The following MYO1D variants were observed in gnomAD, a reference collection of about 807,000 sequenced individuals.
The protein encoded by MYO1D is myosin ID, also known as unconventional myosin-Id.
MYO1D carries 83 observed loss-of-function variants against 122.0 expected under a neutral mutation model. That is an observed-to-expected ratio of 0.68 (90% CI 0.57 to 0.82). MYO1D has a LOEUF of 0.82. Among genes scored for constraint, MYO1D ranks in the 40% least tolerant of loss-of-function variants. The pLI, the probability that MYO1D is intolerant of heterozygous loss-of-function variation, is 0.00. For synonymous variants in MYO1D, 464 were observed against 446.9 expected (o/e 1.04, Z -0.48); for missense variants, 1,157 against 1,269.5 (o/e 0.91, Z 1.35).
intron 7 of MYO1D, among the ~76,000 whole-genome samples, chr17:32,766,882 G>A (rs2090064591): frequency 6.6e-6 from 1 of 152,094 alleles, no homozygotes; most frequent in African/African-American, 2.4e-5. Flanking sequence ...TCAAACAGAT[G>A]AGACAATTTA....
intron 16 of MYO1D, among the ~76,000 whole-genome samples, chr17:32,694,593 C>T (rs1264683356): frequency 2.7e-5 from 4 of 147,542 alleles, no homozygotes; most frequent in East Asian, 2.0e-4. Flanking sequence ...CCCAGCTACT[C>T]GGGAGGCTGA....
chr17:32,558,193 G>A (rs1384904755), intron 21 of MYO1D, among the ~76,000 whole-genome samples: 2 of 151,992 alleles, frequency 1.3e-5, no homozygotes, highest in African/African-American at 4.8e-5. Flanking sequence ...TGAGAGGCAG[G>A]GCCCTCCTTG....
At chr17:32,855,944 C>G (rs900054168) in intron 1 of MYO1D, among the ~76,000 whole-genome samples, 1 of 152,092 alleles carries the variant, frequency 6.6e-6, no homozygotes, top group African/African-American at 2.4e-5. Flanking sequence ...CATTCTTATT[C>G]CCTTGTTCTT....
chr17:32,612,960 G>T (rs2087722354), intron 20 of MYO1D, among the ~76,000 whole-genome samples: 1 of 151,714 alleles, frequency 6.6e-6, no homozygotes, highest in Admixed American at 6.6e-5. Context: ...GTAGAGACAG[G>T]GTTTTGTCAT....
At chr17:32,536,287 G>A (rs879939597) in intron 21 of MYO1D, among the ~76,000 whole-genome samples, 1 of 151,802 alleles carries the variant, frequency 6.6e-6, no homozygotes, top group Non-Finnish European at 1.5e-5. Flanking sequence ...CATCCACCTC[G>A]GCCTCCCAAA....
chr17:32,769,227 C>T (rs531567459), intron 6 of MYO1D, among the ~76,000 whole-genome samples: 1 of 152,122 alleles, frequency 6.6e-6, no homozygotes, highest in South Asian at 2.1e-4. Context: ...TGAACATCTC[C>T]TTTGCAGGTG....
chr17:32,650,550 T>TAG, intron 19 of MYO1D, among the ~76,000 whole-genome samples: 1 of 152,334 alleles, frequency 6.6e-6, no homozygotes, highest in East Asian at 1.9e-4. Context: ...CACAGGAAGT[T>TAG]ATCTAACAGC....
At chr17:32,645,263 A>G (rs564902296) in intron 19 of MYO1D, among the ~76,000 whole-genome samples, 324 of 152,250 alleles carry the variant, frequency 2.1e-3, no homozygotes, top group African/African-American at 7.5e-3. Flanking sequence ...TGGCTTGTAG[A>G]GTTTCTGCTG....
chr17:32,869,907 T>G (rs903771178), intron 1 of MYO1D, among the ~76,000 whole-genome samples: 11 of 152,082 alleles, frequency 7.2e-5, no homozygotes, highest in South Asian at 6.2e-4. Context: ...CACTCCAGCC[T>G]GGGTGACAGA....
intron 16 of MYO1D, among the ~76,000 whole-genome samples, chr17:32,666,701 A>ATGTTT (rs557390124): frequency 7.9e-5 from 12 of 152,016 alleles, no homozygotes; most frequent in Admixed American, 5.9e-4. Flanking sequence ...CTAGTTCCCC[A>ATGTTT]TGTTTTGTTT....
chr17:32,684,164 G>C (rs1026759740), intron 16 of MYO1D: 12 of 156,426 alleles, frequency 7.7e-5, no homozygotes, highest in Admixed American at 5.9e-4. Context: ...CTAGTGAGAT[G>C]AACCCGGTAC....
intron 21 of MYO1D, chr17:32,594,445 G>T: frequency 6.5e-6 from 3 of 461,948 alleles, no homozygotes; most frequent in South Asian, 9.1e-5. Flanking sequence ...TCAAATAATT[G>T]AACACTTTTG....
intron 1 of MYO1D, among the ~76,000 whole-genome samples, chr17:32,828,108 C>T (rs2090738539): frequency 6.6e-6 from 1 of 152,142 alleles, no homozygotes; most frequent in Non-Finnish European, 1.5e-5. Flanking sequence ...AAGAAGCTGA[C>T]GTGGAAGCCA....
chr17:32,588,715 C>T (rs915453450), intron 21 of MYO1D, among the ~76,000 whole-genome samples: 4 of 152,026 alleles, frequency 2.6e-5, no homozygotes, highest in Admixed American at 6.6e-5. Flanking sequence ...TTTGGGAGGC[C>T]GACACAGGTG....
At chr17:32,822,684 C>T (rs991308920) in intron 1 of MYO1D, among the ~76,000 whole-genome samples, 1 of 149,964 alleles carries the variant, frequency 6.7e-6, no homozygotes, top group Non-Finnish European at 1.5e-5. Context: ...GGTTCCGGCC[C>T]TCGCGCGTCC....
intron 1 of MYO1D, among the ~76,000 whole-genome samples, chr17:32,828,479 G>C (rs574792488): frequency 8.0e-6 from 1 of 125,270 alleles, no homozygotes; most frequent in Admixed American, 1.1e-4. Flanking sequence ...TCGCACCACT[G>C]AACTCCAGCC....
intron 7 of MYO1D, among the ~76,000 whole-genome samples, chr17:32,767,331 A>G (rs911400686): frequency 6.6e-6 from 1 of 152,218 alleles, no homozygotes; most frequent in African/African-American, 2.4e-5. Context: ...GCCACTAGAA[A>G]TTTATACCAC....
intron 16 of MYO1D, among the ~76,000 whole-genome samples, chr17:32,708,550 C>T (rs1171613099): frequency 6.6e-6 from 1 of 152,062 alleles, no homozygotes; most frequent in African/African-American, 2.4e-5. Flanking sequence ...TATAAGGATA[C>T]AGAAAAAGTA....
intron 1 of MYO1D, among the ~76,000 whole-genome samples, chr17:32,834,474 C>T (rs1182436329): frequency 6.6e-6 from 1 of 152,212 alleles, no homozygotes; most frequent in African/African-American, 2.4e-5. Flanking sequence ...ATTCTTTCTT[C>T]TCCCTCACCT....
Sources: allele counts gnomAD v4.1 joint callset (sites outside exome capture counted in the v4.1 genomes callset), GRCh38; gene constraint gnomAD v4.1.1; transcripts MANE v1.5; gene names NCBI Gene and HGNC (gene_info 2026-07-23, HGNC 2026-07-21).